DES: variants seen among roughly 807,000 people sequenced by gnomAD.
The protein encoded by DES is cardiomyopathy, dilated 1F (autosomal dominant).
In DES, 34 loss-of-function variants were observed where a neutral mutation model predicts 55.1. The observed-to-expected ratio is 0.62, with a 90% CI of 0.47 to 0.82. The LOEUF (loss-of-function observed/expected upper bound fraction) is 0.82. Among genes scored for constraint, DES ranks in the 40% least tolerant of loss-of-function variants. The probability of loss-of-function intolerance (pLI) is 0.00; values close to 1 mark genes in which losing one functional copy is unlikely to be tolerated. For missense variants in DES, 596 were observed against 645.9 expected (o/e 0.92, Z 0.84); for synonymous variants, 259 against 270.8 (o/e 0.96, Z 0.43).
At chr2:219,422,463 CTTT>C (rs71040455) in intron 6 of DES, among the ~76,000 whole-genome samples, 5 of 103,500 alleles carry the variant, frequency 4.8e-5, no homozygotes, top group Admixed American at 3.8e-4. Flanking sequence ...TGTTCTATAT[CTTT>C]TTTTTTTTTT....
At chr2:219,424,531 C>T (rs1180463713) in intron 7 of DES, among the ~76,000 whole-genome samples, 1 of 152,198 alleles carries the variant, frequency 6.6e-6, no homozygotes, top group Non-Finnish European at 1.5e-5. Flanking sequence ...TGCGCTCCAG[C>T]GAGTCACAAC....
rs191040864 is a variant in DES, at chr2:219,422,013, A to C, written c.1244+453A>C. The stretch of plus-strand genomic sequence containing the variant: ...GCCACTGCTCTATTAATTGCAGAGA[A>C]TTAACCAAGGCCACCTGGGTAAAAA... On this transcript the variant is annotated intron_variant, in intron 6 of 8. Transcript: ENST00000373960. Among the ~76,000 whole-genome samples the C allele has an allele frequency of 2.7e-3, 418 of 152,354 alleles. 7 individuals are homozygous for C. Among genetic ancestry groups the C allele is most frequent in the Admixed American group, 1.7e-3 (26 of 15,304 alleles).
chr2:219,425,981 A>C lies in DES; in HGVS notation c.1404A>C (p.Glu468Asp), dbSNP rs397516691. 3 of 1,613,878 alleles carry C rather than the reference A, an allele frequency of 1.9e-6. No homozygotes were observed. The highest frequency in any genetic ancestry group is 2.5e-6 in the Non-Finnish European group (3 of 1,179,990). ...GTGAGGCCACACAGCAGCAGCATGAAGTGCTCTAAAGACAGAGACCCTCTG... is the reference window on the plus strand; with the variant it reads ...GTGAGGCCACACAGCAGCAGCATGACGTGCTCTAAAGACAGAGACCCTCTG... ...VVSEATQQQHEVL is the reference protein window; with the variant it reads ...VVSEATQQQHDVL Residue 468 changes from glutamate (E) to aspartate (D), a missense_variant, in exon 9 of 9, where the codon GAA becomes GAC. Coordinates refer to ENST00000373960, the MANE Select transcript of DES (RefSeq NM_001927.4).
Position 219,419,939 on chromosome 2 carries a change from G to T in DES, c.579-156G>T. The stretch of plus-strand genomic sequence containing the variant: ...CACTTCCTGTGCCCTCCCTGGGTGG[G>T]TGGGGCCTCTCCACTCCCTGTCTCT... On this transcript the variant is annotated intron_variant, in intron 1 of 8. Coordinates refer to ENST00000373960, the MANE Select transcript of DES (RefSeq NM_001927.4). This position sits in a 1 kb window ranked among gnomAD's most constrained non-coding sequence, Gnocchi z 4.3. 1.3e-6 allele frequency: 1 copy of T among 759,828 alleles called. No individual in the cohort carries two copies. The allele number at this position is 759,828 out of a possible 1,614,324, so 47.1% of individuals were successfully genotyped here.
At position 219,418,514 on chromosome 2, in the gene DES, T is replaced by A; in HGVS notation, c.52T>A (p.Phe18Ile). 2 of 1,603,560 alleles carry A rather than the reference T, an allele frequency of 1.2e-6. No individual in the cohort carries two copies. Among genetic ancestry groups the A allele is most frequent in the Non-Finnish European group, 1.7e-6 (2 of 1,176,758 alleles). ...SQRVSSYRRTFGGAPGFPLGS... is the reference protein window; with the variant it reads ...SQRVSSYRRTIGGAPGFPLGS... ...GCGCGTGTCCTCCTACCGCCGCACCTTCGGCGGGGCCCCGGGCTTCCCACT... is the reference window on the plus strand; with the variant it reads ...GCGCGTGTCCTCCTACCGCCGCACCATCGGCGGGGCCCCGGGCTTCCCACT... Residue 18 changes from phenylalanine to isoleucine, a missense_variant, in exon 1 of 9, where the codon TTC becomes ATC. Phe to Ile is a conservative substitution (Grantham distance 21). Transcript: ENST00000373960.
At position 219,419,115 on chromosome 2, in the gene DES, G is replaced by T; in HGVS notation, c.578+75G>T. On this transcript the variant is annotated intron_variant, in intron 1 of 8. Coordinates refer to ENST00000373960, the MANE Select transcript of DES (RefSeq NM_001927.4). This position sits in a 1 kb window ranked among gnomAD's most constrained non-coding sequence, Gnocchi z 4.3. ...GGCTAGGCCTGGGGTCTGGGGTCCC[G>T]CTGTCAGCACCTGCCTTCTCCCGGG... 6.5e-7 allele frequency: 1 copy of T among 1,533,338 alleles called. No individual in the cohort carries two copies. The highest frequency in any genetic ancestry group is 8.7e-7 in the Non-Finnish European group (1 of 1,145,794). 95.0% of individuals were successfully genotyped at this position (1,533,338 alleles called of 1,614,324 possible).
intron 6 of DES, among the ~76,000 whole-genome samples, chr2:219,422,463 C>CTT (rs71040455): frequency 0.61 from 62,733 of 102,592 alleles, 21,500 homozygotes; most frequent in East Asian, 0.85. Flanking sequence ...TGTTCTATAT[C>CTT]TTTTTTTTTT....
At chr2:219,424,567 A>G (rs1301824857) in intron 7 of DES, among the ~76,000 whole-genome samples, 1 of 152,230 alleles carries the variant, frequency 6.6e-6, no homozygotes, top group Non-Finnish European at 1.5e-5. Flanking sequence ...GTTGCTAGCT[A>G]AGGAAATTCG....
rs2125166116 is a variant in DES, at chr2:219,418,711, C to T, written c.249C>T (p.Tyr83=). The T allele has an allele frequency of 1.9e-6, 3 of 1,564,868 alleles. No homozygotes were observed. The highest frequency in any genetic ancestry group is 1.3e-5 in the African/African-American group (1 of 74,206). The change falls in exon 1 of 9, where the codon TAC becomes TAT. Residue 83 remains tyrosine, a synonymous_variant. Transcript: ENST00000373960. ...RLGTTRTPSS[Y]GAGELLDFSL... ...GGACCACCCGCACGCCCTCCTCCTACGGCGCAGGCGAGCTGCTGGACTTCT... is the reference window on the plus strand; with the variant it reads ...GGACCACCCGCACGCCCTCCTCCTATGGCGCAGGCGAGCTGCTGGACTTCT...
chr2:219,421,824 G>T (rs2854895), intron 6 of DES, among the ~76,000 whole-genome samples: 2 of 151,686 alleles, frequency 1.3e-5, no homozygotes, highest in African/African-American at 2.4e-5. Flanking sequence ...CTACCACCAC[G>T]CCTGGCTAAT....
intron 5 of DES, among the ~76,000 whole-genome samples, 172 bp from the exon 6 acceptor site, chr2:219,421,168 A>G (rs560914987): frequency 1.3e-5 from 2 of 152,280 alleles, no homozygotes; most frequent in East Asian, 1.9e-4. Context: ...GCTGAATGCA[A>G]TGTTCCTTTG....
In DES at chr2:219,418,866, C is replaced by T. The variant is rs546741834; in HGVS notation, c.404C>T (p.Ala135Val). 218 of 1,574,676 alleles carry T rather than the reference C, an allele frequency of 1.4e-4. 3 individuals carry two copies. The South Asian group carries it at 2.2e-3, about 16-fold the overall frequency. ...KVRFLEQQNA[A>V]LAAEVNRLKG... is the part of the protein sequence containing the mutation. The stretch of plus-strand genomic sequence containing the variant: ...CGCTTCCTGGAGCAGCAGAACGCGG[C>T]GCTCGCCGCCGAAGTGAACCGGCTC... Residue 135 changes from alanine to valine, a missense_variant, in exon 1 of 9, where the codon GCG becomes GTG. By Grantham distance (64) the Ala-to-Val change is moderately conservative. Transcript: ENST00000373960.
chr2:219,420,158 G>A lies in DES; in HGVS notation c.639+3G>A. The stretch of plus-strand genomic sequence containing the variant: ...ACAATTTGGCTGCCTTCCGAGCGGT[G>A]AGTGCCCTTCTTTTCCCCTTGCATG... On this transcript the variant is annotated splice_donor_region_variant and intron_variant, in intron 2 of 8. Coordinates refer to ENST00000373960, the MANE Select transcript of DES (RefSeq NM_001927.4). This position sits in a 1 kb window ranked among gnomAD's most constrained non-coding sequence, Gnocchi z 6.0. 6.2e-7 allele frequency: 1 copy of A among 1,614,228 alleles called. No individual in the cohort carries two copies. Among genetic ancestry groups the A allele is most frequent in the Non-Finnish European group, 8.5e-7 (1 of 1,180,042 alleles).
chr2:219,424,920 A>G (rs1434767299), intron 7 of DES, among the ~76,000 whole-genome samples: 3 of 152,126 alleles, frequency 2.0e-5, no homozygotes, highest in Admixed American at 6.5e-5. Flanking sequence ...TTCTTTTGAA[A>G]CGGAGTCTCG....
rs200580581 is a variant in DES, at chr2:219,423,818, G to T, written c.1286G>T (p.Arg429Leu). Residue 429 changes from arginine to leucine, a missense_variant and splice_region_variant, in exon 7 of 9, where the codon CGA (arginine) becomes CTA (leucine). Arg to Leu is a moderately radical substitution (Grantham distance 102, BLOSUM62 -2). Transcript: ENST00000373960. ...CAGACCTACTCTGCCCTCAACTTCC[G>T]AGGTGAGTGTCTGCTGGCAGGCGGA... ...PIQTYSALNFRETSPEQRGSE... is the reference protein window; with the variant it reads ...PIQTYSALNFLETSPEQRGSE... 1 of 1,613,764 alleles carries T rather than the reference G, an allele frequency of 6.2e-7. No homozygotes were observed. Among genetic ancestry groups the T allele is most frequent in the Non-Finnish European group, 8.5e-7 (1 of 1,179,854 alleles).
In DES at chr2:219,418,403, GGCCGGCC is replaced by G; in HGVS notation, c.-56_-50del. ...TCTCCCCTCGCCGCATCCACTCTCC[GGCCGGCC>G]GCCTGCCCGCCGCCTCCTCCGTGCG... On this transcript the variant is annotated 5_prime_UTR_variant, in exon 1 of 9. Transcript: ENST00000373960. 6.6e-7 allele frequency: 1 copy of G among 1,506,042 alleles called. No homozygotes were observed. Among genetic ancestry groups the G allele is most frequent in the Non-Finnish European group, 8.8e-7 (1 of 1,132,922 alleles). 93.3% of individuals were successfully genotyped at this position (1,506,042 alleles called of 1,614,324 possible). A position where few individuals can be genotyped will look rare whatever the true frequency, so the allele number is the denominator to read the frequency against.
At position 219,425,739 on chromosome 2, in the gene DES, T is replaced by C; in HGVS notation, c.1365T>C (p.Asp455=). The change falls in exon 8 of 9, where the codon GAT becomes GAC. Residue 455 remains aspartate (D), a synonymous_variant. Coordinates refer to ENST00000373960, the MANE Select transcript of DES (RefSeq NM_001927.4). ...TGATCAAGACCATCGAGACACGGGA[T>C]GGGGAGGTAAGTGGTCTGTCTGGGC... ...TVMIKTIETR[D]GEVVSEATQQ... is the part of the protein sequence containing the mutation. The C allele has an allele frequency of 6.2e-7, 1 of 1,603,170 alleles. No individual in the cohort carries two copies. The highest frequency in any genetic ancestry group is 8.5e-7 in the Non-Finnish European group (1 of 1,175,474).
rs541585670 is a variant in DES at position 219,425,735 on chromosome 2, G to A, written c.1361G>A (p.Arg454Gln). 4.4e-6 allele frequency: 7 copies of A among 1,604,416 alleles called. No homozygotes were observed. The highest frequency in any genetic ancestry group is 6.0e-6 in the Non-Finnish European group (7 of 1,175,642). Residue 454 changes from arginine (R) to glutamine (Q), a missense_variant, in exon 8 of 9, where the codon CGG (arginine) becomes CAG (glutamine). By Grantham distance (43) the Arg-to-Gln change is conservative (BLOSUM62 1). Transcript: ENST00000373960. ...KTVMIKTIET[R>Q]DGEVVSEATQ... ...GTGATGATCAAGACCATCGAGACACGGGATGGGGAGGTAAGTGGTCTGTCT... is the reference window on the plus strand; with the variant it reads ...GTGATGATCAAGACCATCGAGACACAGGATGGGGAGGTAAGTGGTCTGTCT...
chr2:219,418,905 C>T lies in DES; in HGVS notation c.443C>T (p.Pro148Leu), dbSNP rs1006008380. The change falls in exon 1 of 9, where the codon CCG becomes CTG. Residue 148 changes from proline to leucine, a missense_variant. Transcript: ENST00000373960. Reference sequence around the variant, plus strand: ...GTGAACCGGCTCAAGGGCCGCGAGCCGACGCGAGTGGCCGAGCTCTACGAG... The same window carrying T: ...GTGAACCGGCTCAAGGGCCGCGAGCTGACGCGAGTGGCCGAGCTCTACGAG... ...AEVNRLKGRE[P>L]TRVAELYEEE... 1.2e-5 allele frequency: 19 copies of T among 1,563,890 alleles called. No homozygotes were observed. The highest frequency in any genetic ancestry group is 1.6e-5 in the Non-Finnish European group (18 of 1,154,134).
Sources: gnomAD v4.1 joint callset for allele counts (sites outside exome capture counted in the v4.1 genomes callset) on GRCh38, gnomAD v4.1.1 for gene constraint, Gnocchi (gnomAD v3.1) non-coding constraint, MANE v1.5 for transcripts, NCBI Gene and HGNC (gene_info 2026-07-23, HGNC 2026-07-21) for gene names.